GSK3B: variants seen among roughly 807,000 people sequenced by gnomAD.
GSK3B encodes glycogen synthase kinase-3 beta.
Under a neutral mutation model 56.4 loss-of-function variants are expected in GSK3B, and 15 were observed. The observed-to-expected ratio is 0.27, with a 90% CI of 0.18 to 0.41. GSK3B has a LOEUF of 0.41. Ranked by LOEUF, GSK3B falls within the 10% of genes least tolerant of loss-of-function variation. The pLI is 1.00. For missense variants in GSK3B, 300 were observed against 513.4 expected, an observed-to-expected ratio of 0.58 and a Z score of 4.02; for synonymous variants, 181 against 188.9, an observed-to-expected ratio of 0.96 and a Z score of 0.34.
chr3:119,909,241 G>A (rs940015647), intron 6 of GSK3B, among the ~76,000 whole-genome samples: 1 of 152,080 alleles, frequency 6.6e-6, no homozygotes, highest in Non-Finnish European at 1.5e-5. Context: ...GAACTCCTGA[G>A]TTCAAGTGAT....
intron 1 of GSK3B, among the ~76,000 whole-genome samples, chr3:120,062,116 T>G (rs1249116497): frequency 1.3e-5 from 2 of 152,206 alleles, no homozygotes; most frequent in Admixed American, 6.5e-5. Flanking sequence ...TTTTAACAAT[T>G]TGGGGAACAC....
chr3:120,094,367 C>A lies in GSK3B; in HGVS notation c.-933G>T. 3.3e-6 allele frequency: 1 copy of A among 299,778 alleles called. No individual in the cohort carries two copies. Among genetic ancestry groups the A allele is most frequent in the Non-Finnish European group, 6.2e-6 (1 of 160,622 alleles). 18.6% of individuals were successfully genotyped at this position (299,778 alleles called of 1,614,324 possible). ...CCGGCTCCTCCTCGCTTCCTTCCTT[C>A]CTTTGTCACTTGGCCCGGGCGGCGG... On this transcript the variant is annotated 5_prime_UTR_variant, in exon 1 of 11. Transcript: ENST00000264235.
intron 8 of GSK3B, among the ~76,000 whole-genome samples, chr3:119,875,374 T>C (rs1384273909): frequency 2.0e-5 from 3 of 152,074 alleles, no homozygotes; most frequent in Non-Finnish European, 2.9e-5. Flanking sequence ...TCACCTCGAA[T>C]TATAAAAGAT....
chr3:120,089,790 T>C (rs1021872730), intron 1 of GSK3B, among the ~76,000 whole-genome samples: 2 of 152,186 alleles, frequency 1.3e-5, no homozygotes, highest in African/African-American at 4.8e-5. Flanking sequence ...TAAAATATCA[T>C]GTGATTCTAA....
intron 1 of GSK3B, among the ~76,000 whole-genome samples, chr3:120,050,357 A>T (rs1458033153): frequency 6.6e-6 from 1 of 152,238 alleles, no homozygotes; most frequent in East Asian, 1.9e-4. Context: ...TAAACCACAG[A>T]AGTTGCATTC....
At chr3:120,073,633 T>TA (rs945175003) in intron 1 of GSK3B, among the ~76,000 whole-genome samples, 3 of 152,216 alleles carry the variant, frequency 2.0e-5, no homozygotes, top group Admixed American at 1.3e-4. Flanking sequence ...AGCCGTACCC[T>TA]AAAAAACCTT....
rs185513727 is a variant in GSK3B, at chr3:119,972,716, T to C, written c.283-25365A>G. 5.1e-4 allele frequency among the ~76,000 whole-genome samples: 77 copies of C among 152,324 alleles called. No homozygotes were observed. In the Middle Eastern group the frequency reaches 0.01, roughly 20 times the overall value. On this transcript the variant is annotated intron_variant, in intron 2 of 10. Coordinates refer to ENST00000264235, the MANE Select transcript of GSK3B (RefSeq NM_001146156.2). ...TCCCAAAGCGCTGGAATTACAGGTG[T>C]GAGCCACCGCGCCCACCTATTTTTT...
chr3:120,031,348 C>T (rs143906062), intron 1 of GSK3B, among the ~76,000 whole-genome samples: 142 of 152,128 alleles, frequency 9.3e-4, no homozygotes, highest in African/African-American at 3.2e-3. Context: ...TAAATTAGCC[C>T]GCCAAAATCC....
At chr3:120,057,547 T>C (rs2058201252) in intron 1 of GSK3B, among the ~76,000 whole-genome samples, 1 of 152,320 alleles carries the variant, frequency 6.6e-6, no homozygotes, top group Admixed American at 6.5e-5. Flanking sequence ...TTCCATTGTA[T>C]ATATTAGTTA....
At chr3:120,034,046 T>C (rs2058001009) in intron 1 of GSK3B, among the ~76,000 whole-genome samples, 1 of 152,248 alleles carries the variant, frequency 6.6e-6, no homozygotes, top group Admixed American at 6.5e-5. Flanking sequence ...ACATAGGTTC[T>C]GTCTATTCAG....
At position 119,822,256 on chromosome 3, in the gene GSK3B, T is replaced by C. The variant is rs1276321431; in HGVS notation, c.*4532A>G. On this transcript the variant is annotated 3_prime_UTR_variant, in exon 11 of 11. Transcript: ENST00000264235. ...ACCCACAGTCCTTTATATATATATA[T>C]ATATATATATAATAAATTTTGTTTT... 5.9e-6 allele frequency: 1 copy of C among 169,580 alleles called. No homozygotes were observed. The highest frequency in any genetic ancestry group is 1.3e-5 in the Non-Finnish European group (1 of 79,590). The allele number at this position is 169,580 out of a possible 1,614,324, so 10.5% of individuals were successfully genotyped here.
At chr3:119,951,283 T>C (rs1201813034) in intron 2 of GSK3B, among the ~76,000 whole-genome samples, 1 of 152,200 alleles carries the variant, frequency 6.6e-6, no homozygotes, top group East Asian at 1.9e-4. Flanking sequence ...CAAAAAATGC[T>C]GAAAGTGGCA....
chr3:119,967,182 G>A (rs374353774), intron 2 of GSK3B, among the ~76,000 whole-genome samples: 13 of 151,952 alleles, frequency 8.6e-5, no homozygotes, highest in Admixed American at 2.0e-4. Flanking sequence ...GGGTTCAAGC[G>A]ATTCTCCTGC....
intron 1 of GSK3B, among the ~76,000 whole-genome samples, chr3:120,072,801 G>C (rs2058337295): frequency 6.6e-6 from 1 of 152,054 alleles, no homozygotes; most frequent in Non-Finnish European, 1.5e-5. Context: ...AAATTATTGA[G>C]ACCAATAACC....
At chr3:119,841,793 G>A (rs1205638438) in intron 10 of GSK3B, among the ~76,000 whole-genome samples, 1 of 152,150 alleles carries the variant, frequency 6.6e-6, no homozygotes, top group Non-Finnish European at 1.5e-5. Context: ...GATAAACTTG[G>A]AACAAGAAAA....
chr3:119,996,235 GTGTT>G (rs1291879441), intron 2 of GSK3B, among the ~76,000 whole-genome samples: 3 of 152,222 alleles, frequency 2.0e-5, no homozygotes, highest in Non-Finnish European at 4.4e-5. Flanking sequence ...CAAGTTTCAA[GTGTT>G]TGTTATTCTT....
At chr3:119,919,847 GAC>G (rs150749634) in intron 4 of GSK3B, among the ~76,000 whole-genome samples, 34 of 148,280 alleles carry the variant, frequency 2.3e-4, no homozygotes, top group South Asian at 2.1e-4. Context: ...TAAAGAAGGT[GAC>G]ACACACACAC....
intron 1 of GSK3B, among the ~76,000 whole-genome samples, chr3:120,015,260 T>C (rs879348184): frequency 1.3e-5 from 2 of 152,216 alleles, no homozygotes; most frequent in Admixed American, 1.3e-4. Flanking sequence ...TGCTCCACTA[T>C]GCTCTTTTAC....
intron 2 of GSK3B, among the ~76,000 whole-genome samples, chr3:119,986,772 T>G (rs2057520444): frequency 6.6e-6 from 1 of 152,216 alleles, no homozygotes; most frequent in African/African-American, 2.4e-5. Flanking sequence ...GAAGACAGTA[T>G]GGGGATTCCT....
Sources: gnomAD v4.1 joint callset for allele counts (sites outside exome capture counted in the v4.1 genomes callset) on GRCh38, gnomAD v4.1.1 for gene constraint, MANE v1.5 for transcripts, NCBI Gene and HGNC (gene_info 2026-07-23, HGNC 2026-07-21) for gene names.